The following RAP1GAP variants were observed in gnomAD, a reference collection of about 807,000 sequenced individuals.
RAP1GAP encodes the protein RAP1 GTPase activating protein.
A neutral mutation model predicts 87.2 loss-of-function variants in RAP1GAP; 35 were observed. The observed-to-expected ratio is 0.40, with a 90% CI of 0.31 to 0.53. The LOEUF is 0.53. Among genes scored for constraint, RAP1GAP ranks in the 20% least tolerant of loss-of-function variants. RAP1GAP has a pLI of 0.48. For missense variants in RAP1GAP, 734 were observed against 898.9 expected (o/e 0.82, Z 2.35); for synonymous variants, 375 against 363.9 (o/e 1.03, Z -0.35).
chr1:21,646,971 C>T (rs1199396463), intron 2 of RAP1GAP, among the ~76,000 whole-genome samples: 1 of 152,204 alleles, frequency 6.6e-6, no homozygotes, highest in Admixed American at 6.5e-5. Flanking sequence ...AATCCAAGTC[C>T]TAACCTCTTA....
chr1:21,637,853 G>A (rs1239659101), intron 2 of RAP1GAP, among the ~76,000 whole-genome samples: 1 of 151,910 alleles, frequency 6.6e-6, no homozygotes, highest in Non-Finnish European at 1.5e-5. Flanking sequence ...TTACATGGCT[G>A]GCCGGGAGTG....
At chr1:21,637,172 T>C (rs1219416310) in intron 2 of RAP1GAP, among the ~76,000 whole-genome samples, 1 of 146,536 alleles carries the variant, frequency 6.8e-6, no homozygotes, top group Non-Finnish European at 1.5e-5. Flanking sequence ...TTGGTGGTGG[T>C]TGGGGGCAGG....
At position 21,603,747 on chromosome 1, in the gene RAP1GAP, C is replaced by G; in HGVS notation, c.1429-834G>C. Reference sequence around the variant, plus strand: ...GCCTGTCCCGGGGGCAGAGGGGCAACGTCCCCAATATGGCCTCCGTCCTGA... The same window carrying G: ...GCCTGTCCCGGGGGCAGAGGGGCAAGGTCCCCAATATGGCCTCCGTCCTGA... On this transcript the variant is annotated intron_variant, in intron 18 of 24. Coordinates refer to ENST00000374765, the MANE Select transcript of RAP1GAP (RefSeq NM_002885.4). The surrounding 1 kb of genome is among the most constrained non-coding windows in gnomAD (Gnocchi z 6.0). 7 of 1,423,040 alleles carry G rather than the reference C, an allele frequency of 4.9e-6. No individual in the cohort carries two copies. Among genetic ancestry groups the G allele is most frequent in the Non-Finnish European group, 6.9e-6 (7 of 1,009,206 alleles). 88.2% of individuals were successfully genotyped at this position (1,423,040 alleles called of 1,614,324 possible).
rs375308193 is a variant in RAP1GAP at position 21,612,123 on chromosome 1, C to T, written c.529-14G>A. The stretch of plus-strand genomic sequence containing the variant: ...GAGCCGGGAAGCCTGCAGGAGAGGA[C>T]GCCGGGTGAAGAGGCTGCGTGTGCA... On this transcript the variant is annotated splice_polypyrimidine_tract_variant and intron_variant, in intron 10 of 24. Coordinates refer to ENST00000374765, the MANE Select transcript of RAP1GAP (RefSeq NM_002885.4). 5.0e-5 allele frequency: 77 copies of T among 1,540,530 alleles called. No individual in the cohort carries two copies. Among genetic ancestry groups the T allele is most frequent in the Non-Finnish European group, 6.6e-5 (75 of 1,136,716 alleles).
intron 1 of RAP1GAP, among the ~76,000 whole-genome samples, chr1:21,652,197 GGC>G (rs1448343899): frequency 6.9e-6 from 1 of 143,946 alleles, no homozygotes; most frequent in East Asian, 2.2e-4. Flanking sequence ...CGCGCTCCTC[GGC>G]GGATCCGTCC....
intron 7 of RAP1GAP, among the ~76,000 whole-genome samples, chr1:21,614,809 C>G (rs577564364): frequency 6.6e-6 from 1 of 152,146 alleles, no homozygotes; most frequent in African/African-American, 2.4e-5. Context: ...AGCCTGGCCC[C>G]GGGCTCCTCC....
intron 21 of RAP1GAP, 114 bp downstream of exon 21, chr1:21,599,380 C>T: frequency 4.1e-6 from 6 of 1,455,054 alleles, no homozygotes; most frequent in Non-Finnish European, 5.5e-6. Context: ...GGCCGGGTCC[C>T]CTGATCACAT....
intron 2 of RAP1GAP, among the ~76,000 whole-genome samples, chr1:21,630,549 C>T (rs2093528231): frequency 2.0e-5 from 3 of 151,738 alleles, no homozygotes; most frequent in Non-Finnish European, 4.4e-5. Flanking sequence ...AACCACTGCC[C>T]CTGACCTTTT....
intron 2 of RAP1GAP, among the ~76,000 whole-genome samples, chr1:21,627,261 G>A (rs1455886828): frequency 1.3e-5 from 2 of 152,150 alleles, no homozygotes; most frequent in African/African-American, 4.8e-5. Flanking sequence ...AAGAGAGGCT[G>A]GTCCCTCGAG....
At position 21,601,808 on chromosome 1, in the gene RAP1GAP, C is replaced by G. The variant is rs1272492664; in HGVS notation, c.1539-11G>C. 1 of 1,580,990 alleles carries G rather than the reference C, an allele frequency of 6.3e-7. No homozygotes were observed. The highest frequency in any genetic ancestry group is 8.6e-7 in the Non-Finnish European group (1 of 1,160,974). ...GCCGGAGGGCTCTCCCTGCGGGGCA[C>G]ACGGGGGCAGCGGGGGGATTCAGCA... On this transcript the variant is annotated splice_polypyrimidine_tract_variant and intron_variant, in intron 19 of 24. Coordinates refer to ENST00000374765, the MANE Select transcript of RAP1GAP (RefSeq NM_002885.4).
At chr1:21,602,692 G>C (rs1399922846) in intron 19 of RAP1GAP, 112 bp downstream of exon 19, 24 of 904,682 alleles carry the variant, frequency 2.7e-5, no homozygotes. Context: ...TCACTAGTGG[G>C]GATGGAGAGG....
intron 2 of RAP1GAP, among the ~76,000 whole-genome samples, chr1:21,628,462 G>A (rs1038989630): frequency 2.8e-5 from 4 of 141,960 alleles, no homozygotes; most frequent in Non-Finnish European, 6.0e-5. Flanking sequence ...GCTCACACCT[G>A]TAATCCCAGC....
chr1:21,664,094 G>A (rs2097256528), intron 1 of RAP1GAP, among the ~76,000 whole-genome samples: 2 of 152,162 alleles, frequency 1.3e-5, no homozygotes, highest in Non-Finnish European at 2.9e-5. Context: ...TAGTGGGGTG[G>A]GGCCAGAAGC....
chr1:21,651,891 G>A (rs940428857), intron 1 of RAP1GAP: 109 of 1,007,858 alleles, frequency 1.1e-4, no homozygotes, highest in Non-Finnish European at 1.2e-4. Flanking sequence ...GGGTCACCTT[G>A]GCAACGCGGC....
chr1:21,660,323 GTGGGTTCC>G (rs2097071810), intron 1 of RAP1GAP, among the ~76,000 whole-genome samples: 1 of 39,386 alleles, frequency 2.5e-5, no homozygotes, highest in Admixed American at 3.8e-4. Flanking sequence ...GCTGGACAGA[GTGGGTTCC>G]AACTCAGCTA....
chr1:21,617,531 C>A, intron 6 of RAP1GAP, 40 bp from the exon 7 acceptor site: 1 of 1,555,192 alleles, frequency 6.4e-7, no homozygotes, highest in Non-Finnish European at 8.7e-7. Context: ...CACACTGTAC[C>A]CCACTGGGCG....
At position 21,650,663 on chromosome 1, in the gene RAP1GAP, C is replaced by G. The variant is rs566208511; in HGVS notation, c.-148-867G>C. Among the ~76,000 whole-genome samples, 30 of 152,342 alleles carry G rather than the reference C, an allele frequency of 2.0e-4. No individual in the cohort carries two copies. In the East Asian group the frequency reaches 4.6e-3, roughly 24 times the overall value. ...TGATGGGGAAGGCCGACTCTGCAGA[C>G]AGTGAGGTCAGAGAAGCCAGGACTT... On this transcript the variant is annotated intron_variant, in intron 1 of 24. Transcript: ENST00000374765.
chr1:21,606,070 C>T lies in RAP1GAP; in HGVS notation c.1424G>A (p.Gly475Glu). Residue 475 changes from glycine (G) to glutamate (E), a missense_variant, in exon 18 of 25, where the codon GGA (glycine) becomes GAA (glutamate). Transcript: ENST00000374765. ...PNNPDLAKAA[G>E]ISLIVPGKSP... ...GGGGAGGGGGAGGGCACTCACTATT[C>T]CAGCCGCCTTGGCCAGGTCGGGGTT... 1 of 1,580,974 alleles carries T rather than the reference C, an allele frequency of 6.3e-7. No individual in the cohort carries two copies. The highest frequency in any genetic ancestry group is 8.6e-7 in the Non-Finnish European group (1 of 1,164,390).
At chr1:21,606,329 T>G (rs956021626) in intron 17 of RAP1GAP, 132 bp from the exon 18 acceptor site, 1 of 1,318,072 alleles carries the variant, frequency 7.6e-7, no homozygotes, top group Non-Finnish European at 1.0e-6. Context: ...TCCCTTCCCC[T>G]GGGCATGTGG....
Sources: gnomAD v4.1 joint callset for allele counts (sites outside exome capture counted in the v4.1 genomes callset) on GRCh38, gnomAD v4.1.1 for gene constraint, Gnocchi (gnomAD v3.1) non-coding constraint, MANE v1.5 for transcripts, NCBI Gene and HGNC (gene_info 2026-07-23, HGNC 2026-07-21) for gene names.